The following MANSC1 variants were observed in gnomAD, a reference collection of about 807,000 sequenced individuals.
The protein encoded by MANSC1 is MANSC domain containing 1.
A neutral mutation model predicts 14.1 loss-of-function variants in MANSC1; 13 were observed. That is an observed-to-expected ratio of 0.92 (90% CI 0.60 to 1.46). The LOEUF (loss-of-function observed/expected upper bound fraction) is 1.46. MANSC1 is among the 40% of genes most tolerant of loss of function. The probability of loss-of-function intolerance (pLI) is 0.00; values close to 1 mark genes in which losing one functional copy is unlikely to be tolerated. For synonymous variants in MANSC1, 227 were observed against 200.7 expected (o/e 1.13, Z -1.11); for missense variants, 486 against 511.4 (o/e 0.95, Z 0.48).
At position 12,343,118 on chromosome 12, in the gene MANSC1, G is replaced by A; in HGVS notation, c.197C>T (p.Ser66Phe). ...TGATATGTTTTTTGTTGAACAGCAA[G>A]AATTAATGCAGTCTTCTTGAGTTGA... The part of the protein sequence containing the change: ...YTSTQEDCIN[S>F]CCSTKNISGD... Residue 66 changes from serine to phenylalanine, a missense_variant, in exon 2 of 4, where the codon TCT becomes TTT. Physicochemically the swap from Ser to Phe is radical, Grantham distance 155. Transcript: ENST00000535902. 1 of 1,613,706 alleles carries A rather than the reference G, an allele frequency of 6.2e-7. No homozygotes were observed.
chr12:12,345,055 C>T (rs1862992893), intron 1 of MANSC1, among the ~76,000 whole-genome samples: 2 of 145,890 alleles, frequency 1.4e-5, no homozygotes, highest in African/African-American at 2.5e-5. Context: ...GTGGCTCATG[C>T]CTGTAATCCC....
intron 2 of MANSC1, among the ~76,000 whole-genome samples, chr12:12,339,533 G>T (rs960356013): frequency 6.6e-6 from 1 of 152,110 alleles, no homozygotes; most frequent in Non-Finnish European, 1.5e-5. Context: ...CTCTGAAAGT[G>T]CTGGGATTAC....
rs1286453603 is a variant in MANSC1 at position 12,342,576 on chromosome 12, GTTTTTTTGTTTTTTTTTT to G, written c.223+498_223+515del. 9.6e-5 allele frequency among the ~76,000 whole-genome samples: 10 copies of G among 103,998 alleles called. No individual in the cohort carries two copies. The East Asian group carries it at 2.9e-3, about 30-fold the overall frequency. The allele number at this position is 103,998 out of a possible 152,430, so 68.2% of individuals were successfully genotyped here. The stretch of plus-strand genomic sequence containing the variant: ...AAGCTGTAGTTACCTAGTAGTCAGT[GTTTTTTTGTTTTTTTTTT>G]TTTTTTTTTTTTTTGACTTATCCTA... On this transcript the variant is annotated intron_variant, in intron 2 of 3. Transcript: ENST00000535902.
chr12:12,341,992 TCA>T lies in MANSC1; in HGVS notation c.223+1098_223+1099del, dbSNP rs564416007. On this transcript the variant is annotated intron_variant, in intron 2 of 3. Transcript: ENST00000535902. The stretch of plus-strand genomic sequence containing the variant: ...GCCTGGGCAACAGAGTGAGACATCA[TCA>T]CAGACAAACAAACAAAAAAGTCCAC... 2.9e-3 allele frequency among the ~76,000 whole-genome samples: 446 copies of T among 152,278 alleles called. 1 individual carries two copies. Among genetic ancestry groups the T allele is most frequent in the African/African-American group, 0.01 (426 of 41,552 alleles).
intron 1 of MANSC1, among the ~76,000 whole-genome samples, chr12:12,347,690 A>C (rs1159469661): frequency 3.3e-5 from 5 of 152,246 alleles, no homozygotes; most frequent in Non-Finnish European, 7.3e-5. Context: ...AAATTCAAAC[A>C]AGATACCACT....
intron 2 of MANSC1, among the ~76,000 whole-genome samples, chr12:12,339,587 C>T (rs1234338978): frequency 6.6e-6 from 1 of 152,150 alleles, no homozygotes; most frequent in Non-Finnish European, 1.5e-5. Flanking sequence ...ATTCTGAAAG[C>T]ATCTCAGATG....
rs1186381534 is a variant in MANSC1, at chr12:12,328,550, C to G, written c.*1477G>C. The G allele has an allele frequency of 6.6e-6, 1 of 151,742 alleles. No homozygotes were observed. The highest frequency in any genetic ancestry group is 1.5e-5 in the Non-Finnish European group (1 of 67,996). The allele number at this position is 151,742 out of a possible 1,614,324, so 9.4% of individuals were successfully genotyped here. A position where few individuals can be genotyped will look rare whatever the true frequency, so the allele number is the denominator to read the frequency against. On this transcript the variant is annotated 3_prime_UTR_variant, in exon 4 of 4. Transcript: ENST00000535902. ...GGATTACAGGCGTGAGCCACCGCGC[C>G]TGGCCTGTGCTAGTTATTATTTCCA...
At chr12:12,344,940 T>TATATAC (rs1565806061) in intron 1 of MANSC1, among the ~76,000 whole-genome samples, 5 of 84,972 alleles carry the variant, frequency 5.9e-5, no homozygotes, top group Non-Finnish European at 1.2e-4. Context: ...TATATATATA[T>TATATAC]ATATATATAT....
At chr12:12,339,146 A>G in intron 2 of MANSC1, 1 of 166,684 alleles carries the variant, frequency 6.0e-6, no homozygotes, top group East Asian at 1.7e-4. Context: ...TCTGACACTG[A>G]TGTGGCCAAG....
chr12:12,345,320 CAAAA>C (rs35001300), intron 1 of MANSC1, among the ~76,000 whole-genome samples: 1 of 93,114 alleles, frequency 1.1e-5, no homozygotes. Context: ...AACTCCGTCT[CAAAA>C]AAAAAAAAAA....
In MANSC1 at chr12:12,338,443, A is replaced by C; in HGVS notation, c.341T>G (p.Leu114Arg). ...EACPLKPAKG[L>R]MSYRIITDFP... ...ACCTGTAATTATCCTGTAACTCATA[A>C]GTCCTTTTGCTGGTTTCAATGGACA... Residue 114 changes from leucine (L) to arginine (R), a missense_variant, in exon 3 of 4, where the codon CTT (leucine) becomes CGT (arginine). Coordinates refer to ENST00000535902, the MANE Select transcript of MANSC1 (RefSeq NM_018050.4). 1 of 1,606,004 alleles carries C rather than the reference A, an allele frequency of 6.2e-7. No individual in the cohort carries two copies. Among genetic ancestry groups the C allele is most frequent in the Non-Finnish European group, 8.5e-7 (1 of 1,178,102 alleles).
In MANSC1 at chr12:12,330,198, A is replaced by C. The variant is rs1862763940; in HGVS notation, c.1125T>G (p.Asn375Lys). 3 of 1,614,076 alleles carry C rather than the reference A, an allele frequency of 1.9e-6. No homozygotes were observed. The highest frequency in any genetic ancestry group is 2.5e-6 in the Non-Finnish European group (3 of 1,180,018). ...ATTTTTCAAATGGAAGGCCGTACTG[A>C]TTTTCTGGAACACTGCCCTGGGAGG... ...GSSSQGSVPE[N>K]QYGLPFEKWL... The change falls in exon 4 of 4, where the codon AAT becomes AAG. Residue 375 changes from asparagine to lysine, a missense_variant. Coordinates refer to ENST00000535902, the MANE Select transcript of MANSC1 (RefSeq NM_018050.4).
In MANSC1 at chr12:12,330,452, C is replaced by T. The variant is rs1293579468; in HGVS notation, c.871G>A (p.Ala291Thr). The change falls in exon 4 of 4, where the codon GCG (alanine) becomes ACG (threonine). Residue 291 changes from alanine to threonine, a missense_variant. Transcript: ENST00000535902. ...GTAGCCATTGCTTGGAGTGTAGCCG[C>T]AGCCCGTGTAAAAACTGTAGAAATG... Reference protein sequence around the residue: ...TLISTVFTRAAATLQAMATTA... With the variant: ...TLISTVFTRATATLQAMATTA... 1.2e-6 allele frequency: 2 copies of T among 1,614,168 alleles called. No homozygotes were observed. The highest frequency in any genetic ancestry group is 1.3e-5 in the African/African-American group (1 of 75,040).
Position 12,330,868 on chromosome 12 carries a change from G to A in MANSC1, c.455C>T (p.Pro152Leu), listed in dbSNP as rs141156998. The change falls in exon 4 of 4, where the codon CCC becomes CTC. Residue 152 changes from proline to leucine, a missense_variant. By Grantham distance (98) the Pro-to-Leu change is moderately conservative. Transcript: ENST00000535902. ...ATAATCTGTGTGATGATGGGCTAGG[G>A]GAGTGACTGCTTGTGAAAATTGGCC... Reference protein sequence around the residue: ...LHGQFSQAVTPLAHHHTDYSK... With the variant: ...LHGQFSQAVTLLAHHHTDYSK... 1.2e-5 allele frequency: 20 copies of A among 1,613,946 alleles called. No individual in the cohort carries two copies. The East Asian group carries it at 4.0e-4, about 32-fold the overall frequency.
At chr12:12,341,843 T>C (rs1339086811) in intron 2 of MANSC1, among the ~76,000 whole-genome samples, 2 of 152,106 alleles carry the variant, frequency 1.3e-5, no homozygotes, top group Non-Finnish European at 1.5e-5. Context: ...ATAGTAAAAA[T>C]TAGCTGGATG....
In MANSC1 at chr12:12,330,499, G is replaced by C; in HGVS notation, c.824C>G (p.Thr275Ser). ...ATTAPPVTTV[T>S]SQPPTTLIST... ...AATGAGGGTCGTGGGAGGCTGAGAA[G>C]TGACAGTGGTTACAGGTGGAGCTGT... is the stretch of plus-strand genomic sequence containing the variant. The change falls in exon 4 of 4, where the codon ACT becomes AGT. Residue 275 changes from threonine to serine, a missense_variant. Transcript: ENST00000535902. The C allele has an allele frequency of 6.2e-7, 1 of 1,614,216 alleles. No individual in the cohort carries two copies.
chr12:12,330,402 A>C lies in MANSC1; in HGVS notation c.921T>G (p.Phe307Leu). Residue 307 changes from phenylalanine (F) to leucine (L), a missense_variant, in exon 4 of 4, where the codon TTT becomes TTG. Transcript: ENST00000535902. ...MATTAVLTTT[F>L]QAPTDSKGSL... ...TGCCTTTCGAGTCCGTAGGTGCCTGAAAGGTGGTAGTCAGAACTGCTGTTG... is the reference window on the plus strand; with the variant it reads ...TGCCTTTCGAGTCCGTAGGTGCCTGCAAGGTGGTAGTCAGAACTGCTGTTG... 1 of 1,614,194 alleles carries C rather than the reference A, an allele frequency of 6.2e-7. No individual in the cohort carries two copies. The highest frequency in any genetic ancestry group is 8.5e-7 in the Non-Finnish European group (1 of 1,180,040).
At chr12:12,347,393 C>G (rs558179043) in intron 1 of MANSC1, among the ~76,000 whole-genome samples, 1 of 152,288 alleles carries the variant, frequency 6.6e-6, no homozygotes, top group East Asian at 1.9e-4. Context: ...AGGTGGAGCT[C>G]AGGCAGTAAT....
chr12:12,349,012 G>T (rs183504028), intron 1 of MANSC1, among the ~76,000 whole-genome samples: 1 of 152,120 alleles, frequency 6.6e-6, no homozygotes, highest in African/African-American at 2.4e-5. Flanking sequence ...TAATTTTGAC[G>T]TGGTATTGAG....
Sources: gnomAD v4.1 joint callset for allele counts (sites outside exome capture counted in the v4.1 genomes callset) on GRCh38, gnomAD v4.1.1 for gene constraint, MANE v1.5 for transcripts, NCBI Gene and HGNC (gene_info 2026-07-23, HGNC 2026-07-21) for gene names.